Variants in SLC41A3 observed in about 807,000 individuals in gnomAD.
SLC41A3 encodes SLC41A1-like 2.
Under a neutral mutation model 45.4 loss-of-function variants are expected in SLC41A3, and 44 were observed. The ratio of observed to expected loss-of-function variants is 0.97; its 90% CI spans 0.76 to 1.25. The LOEUF (loss-of-function observed/expected upper bound fraction) is 1.25. Ranked by LOEUF, SLC41A3 falls within the 50% of genes most tolerant of loss-of-function variation. The probability of loss-of-function intolerance (pLI) is 0.00; values close to 1 mark genes in which losing one functional copy is unlikely to be tolerated. For missense variants in SLC41A3, 550 were observed against 600.6 expected (o/e 0.92, Z 0.88); for synonymous variants, 256 against 252.4 (o/e 1.01, Z -0.13).
At chr3:126,057,059 G>A in intron 2 of SLC41A3, 1 of 995,404 alleles carries the variant, frequency 1.0e-6, no homozygotes, top group Non-Finnish European at 1.2e-6. Flanking sequence ...TCCCCTCCTG[G>A]CAGAGGAGGG....
At chr3:126,093,513 C>T (rs1559901218) in intron 1 of SLC41A3, among the ~76,000 whole-genome samples, 1 of 152,248 alleles carries the variant, frequency 6.6e-6, no homozygotes, top group Non-Finnish European at 1.5e-5. Flanking sequence ...AGCCTTCTGC[C>T]TGGGGAACCC....
intron 3 of SLC41A3, among the ~76,000 whole-genome samples, chr3:126,044,895 C>CAAAAAAAA (rs57581225): frequency 0.031 from 2,525 of 82,786 alleles, 470 homozygotes; most frequent in Non-Finnish European, 0.04. Flanking sequence ...GACTCCATCT[C>CAAAAAAAA]AAAAAAAAAA....
intron 9 of SLC41A3, among the ~76,000 whole-genome samples, chr3:126,009,495 G>A (rs1405333251): frequency 6.6e-6 from 1 of 152,178 alleles, no homozygotes; most frequent in Admixed American, 6.5e-5. Flanking sequence ...TTTACAATAA[G>A]TGTGATTGAC....
Position 126,026,387 on chromosome 3 carries a change from C to T in SLC41A3, c.546G>A (p.Glu182=). ...SREEVDVAKV[E]LLCASSVLTA... is the part of the protein sequence containing the mutation. ...TGAGGACACTGCTGGCACACAGCAA[C>T]TCCACCTTGGCGACATCCACTTCCT... The change falls in exon 5 of 11, where the codon GAG becomes GAA. Residue 182 remains glutamate (E), a synonymous_variant. Transcript: ENST00000360370. This position sits in a 1 kb window ranked among gnomAD's most constrained non-coding sequence, Gnocchi z 4.2. 6.3e-7 allele frequency: 1 copy of T among 1,582,744 alleles called. No homozygotes were observed. Among genetic ancestry groups the T allele is most frequent in the South Asian group, 1.2e-5 (1 of 86,434 alleles).
At chr3:126,042,900 G>A (rs1306528332) in intron 3 of SLC41A3, among the ~76,000 whole-genome samples, 1 of 151,528 alleles carries the variant, frequency 6.6e-6, no homozygotes, top group Non-Finnish European at 1.5e-5. Flanking sequence ...AAACTTAATG[G>A]AATTACAGAA....
At chr3:126,056,006 C>T (rs1379363255) in intron 2 of SLC41A3, among the ~76,000 whole-genome samples, 1 of 152,174 alleles carries the variant, frequency 6.6e-6, no homozygotes, top group Non-Finnish European at 1.5e-5. Context: ...GAAATCAAGG[C>T]AGAACAGTGT....
In SLC41A3 at chr3:126,053,642, TC is replaced by T. The variant is rs1282491612; in HGVS notation, c.274-2593del. On this transcript the variant is annotated intron_variant, in intron 2 of 10. Coordinates refer to ENST00000360370, the MANE Select transcript of SLC41A3 (RefSeq NM_017836.4). ...ATAATCAGTGTCTTTGTTTTTAAAG[TC>T]CCTTTGAGTTAGGTTTCCTGTTACC... Among the ~76,000 whole-genome samples, 5 of 152,120 alleles carry T rather than the reference TC, an allele frequency of 3.3e-5. No homozygotes were observed. In the East Asian group the frequency reaches 9.6e-4, roughly 29 times the overall value.
chr3:126,008,630 G>A (rs1939379086), intron 10 of SLC41A3, 102 bp downstream of exon 10: 1 of 1,535,776 alleles, frequency 6.5e-7, no homozygotes, highest in Non-Finnish European at 8.9e-7. Flanking sequence ...CACACGTCCA[G>A]CCACCCCCAC....
intron 10 of SLC41A3, among the ~76,000 whole-genome samples, chr3:126,007,630 A>G (rs572814146): frequency 1.4e-3 from 210 of 152,286 alleles, no homozygotes; most frequent in Non-Finnish European, 2.4e-3. Flanking sequence ...GGGGTAGTCC[A>G]CACAAGCCTG....
chr3:126,013,568 A>AG, intron 8 of SLC41A3, among the ~76,000 whole-genome samples: 1 of 151,898 alleles, frequency 6.6e-6, no homozygotes, highest in East Asian at 1.9e-4. Flanking sequence ...GTCTCAAAAA[A>AG]AAAAAAAGAA....
Position 126,068,129 on chromosome 3 carries a change from G to A in SLC41A3, c.91C>T (p.Leu31Phe), listed in dbSNP as rs1413453046. ...GCTCCATCTTCTGAGGCTACAGGGA[G>A]TCCTCCTGTGCTGAGGGGGTGAGGA... Reference protein sequence around the residue: ...GLPHPLSTGGLPVASEDGALR... With the variant: ...GLPHPLSTGGFPVASEDGALR... The change falls in exon 2 of 11, where the codon CTC becomes TTC. Residue 31 changes from leucine (L) to phenylalanine (F), a missense_variant. Coordinates refer to ENST00000360370, the MANE Select transcript of SLC41A3 (RefSeq NM_017836.4). The A allele has an allele frequency of 6.2e-7, 1 of 1,612,420 alleles. No individual in the cohort carries two copies. Among genetic ancestry groups the A allele is most frequent in the South Asian group, 1.1e-5 (1 of 90,942 alleles).
intron 1 of SLC41A3, among the ~76,000 whole-genome samples, chr3:126,078,432 G>A (rs183797706): frequency 2.2e-4 from 33 of 152,218 alleles, no homozygotes; most frequent in Admixed American, 1.6e-3. Flanking sequence ...GGAGGAACCC[G>A]TACCACACAG....
intron 8 of SLC41A3, among the ~76,000 whole-genome samples, chr3:126,013,917 C>A (rs917844798): frequency 1.9e-4 from 29 of 152,186 alleles, no homozygotes; most frequent in African/African-American, 7.0e-4. Context: ...AAACCATGAG[C>A]ACATGCGGTC....
intron 2 of SLC41A3, among the ~76,000 whole-genome samples, chr3:126,051,583 T>C (rs961383035): frequency 6.6e-6 from 1 of 152,114 alleles, no homozygotes; most frequent in Non-Finnish European, 1.5e-5. Context: ...TATGCCTCTA[T>C]CCCATTAAAA....
chr3:126,019,364 T>C (rs1441695836), intron 6 of SLC41A3, among the ~76,000 whole-genome samples: 1 of 152,174 alleles, frequency 6.6e-6, no homozygotes, highest in Non-Finnish European at 1.5e-5. Context: ...TACTGCCACA[T>C]TGGGGATCAA....
chr3:126,017,941 G>C (rs1580408233), intron 6 of SLC41A3, among the ~76,000 whole-genome samples: 1 of 152,160 alleles, frequency 6.6e-6, no homozygotes, highest in Non-Finnish European at 1.5e-5. Context: ...GGGAAACAGC[G>C]GCCTGCAGAA....
At chr3:126,008,473 G>A (rs1939360856) in intron 10 of SLC41A3, among the ~76,000 whole-genome samples, 1 of 151,854 alleles carries the variant, frequency 6.6e-6, no homozygotes, top group South Asian at 2.1e-4. Flanking sequence ...GGTACAGTGT[G>A]TGGTGTGGAG....
At chr3:126,068,293 T>G in intron 1 of SLC41A3, 47 bp from the exon 2 acceptor site, 3 of 1,454,388 alleles carry the variant, frequency 2.1e-6, no homozygotes, top group Non-Finnish European at 2.7e-6. Context: ...CTGATTCCCA[T>G]GGCGCTAACA....
chr3:126,033,849 G>T (rs932452566), intron 3 of SLC41A3, among the ~76,000 whole-genome samples, 171 bp from the exon 4 acceptor site: 3 of 151,832 alleles, frequency 2.0e-5, no homozygotes, highest in African/African-American at 7.3e-5. Flanking sequence ...CTTCTTATAC[G>T]GGGAGTGGGG....
Sources: gnomAD v4.1 joint callset for allele counts (sites outside exome capture counted in the v4.1 genomes callset) on GRCh38, gnomAD v4.1.1 for gene constraint, Gnocchi (gnomAD v3.1) non-coding constraint, MANE v1.5 for transcripts, NCBI Gene and HGNC (gene_info 2026-07-23, HGNC 2026-07-21) for gene names.